The following IGF2R variants were observed in gnomAD, a reference collection of about 807,000 sequenced individuals.
The protein encoded by IGF2R is cation-independent mannose-6-phosphate receptor.
Under a neutral mutation model 270.6 loss-of-function variants are expected in IGF2R, and 91 were observed. That is an observed-to-expected ratio of 0.34 (90% CI 0.28 to 0.40). The LOEUF (loss-of-function observed/expected upper bound fraction) is 0.40. Ranked by LOEUF, IGF2R falls within the 10% of genes least tolerant of loss-of-function variation. The probability of loss-of-function intolerance (pLI) is 1.00; values close to 1 mark genes in which losing one functional copy is unlikely to be tolerated. For missense variants in IGF2R, 2,805 were observed against 3,188.3 expected (o/e 0.88, Z 2.90); for synonymous variants, 1,316 against 1,258.9 (o/e 1.05, Z -0.96).
At chr6:160,036,287 C>G (rs1265856782) in intron 10 of IGF2R, among the ~76,000 whole-genome samples, 2 of 152,070 alleles carry the variant, frequency 1.3e-5, no homozygotes, top group African/African-American at 4.8e-5. Flanking sequence ...CCCTCACCTC[C>G]TAGCCTACCT....
In IGF2R at chr6:160,106,012, C is replaced by CA. The variant is rs920004735; in HGVS notation, c.*929dup. 2 of 152,302 alleles carry CA rather than the reference C, an allele frequency of 1.3e-5. No individual in the cohort carries two copies. Among genetic ancestry groups the CA allele is most frequent in the Admixed American group, 6.5e-5 (1 of 15,270 alleles). 9.4% of individuals were successfully genotyped at this position (152,302 alleles called of 1,614,324 possible). On this transcript the variant is annotated 3_prime_UTR_variant, in exon 48 of 48. Transcript: ENST00000356956. ...TATAGGTCTCATCTCTTCAGGTTCT[C>CA]ATGATACCACCTTTACTGTGCTTAT...
At position 159,969,088 on chromosome 6, in the gene IGF2R, G is replaced by GCCGC; in HGVS notation, c.-159_-158insCCGC. ...CGGTTCCGGGGCCGCCGCTGCCGCT[G>GCCGC]TCGCTGTCGCCGAGCCCAGTCGAGC... On this transcript the variant is annotated 5_prime_UTR_variant, in exon 1 of 48. Coordinates refer to ENST00000356956, the MANE Select transcript of IGF2R (RefSeq NM_000876.4). 1 of 256,654 alleles carries GCCGC rather than the reference G, an allele frequency of 3.9e-6. No individual in the cohort carries two copies. Among genetic ancestry groups the GCCGC allele is most frequent in the African/African-American group, 2.3e-5 (1 of 43,054 alleles). 15.9% of individuals were successfully genotyped at this position (256,654 alleles called of 1,614,324 possible).
Position 160,045,758 on chromosome 6 carries a change from TGC to T in IGF2R, c.1780_1781del (p.Ala594ThrfsTer14). On this transcript the variant is annotated frameshift_variant, in exon 14 of 48. Transcript: ENST00000356956. LOFTEE classifies it high-confidence loss of function. Reference sequence around the variant, plus strand: ...CCCCATTGACAGGTGATCTGGAAAGTGCACCAGTGTTGAGAACTTCTGGGGAA... The same window carrying T: ...CCCCATTGACAGGTGATCTGGAAAGTACCAGTGTTGAGAACTTCTGGGGAA... ...LVCKPGDLES[A>X]PVLRTSGEGG... is the part of the protein sequence containing the mutation. The T allele has an allele frequency of 6.2e-7, 1 of 1,614,186 alleles. No individual in the cohort carries two copies. The highest frequency in any genetic ancestry group is 8.5e-7 in the Non-Finnish European group (1 of 1,180,018).
At chr6:160,012,854 T>A (rs969122583) in intron 4 of IGF2R, among the ~76,000 whole-genome samples, 4 of 151,422 alleles carry the variant, frequency 2.6e-5, no homozygotes, top group Non-Finnish European at 4.4e-5. Flanking sequence ...CTTGAACTCC[T>A]GACCTCAGGT....
rs373212360 is a variant in IGF2R at position 160,048,504 on chromosome 6, A to T, written c.2475A>T (p.Arg825=). ...RPLNPVPGCN[R]YASACQMKYE... is the part of the protein sequence containing the mutation. Reference sequence around the variant, plus strand: ...TGAATCCAGTGCCGGGCTGCAACCGATATGCATCGGCTTGCCAGATGAAGT... The same window carrying T: ...TGAATCCAGTGCCGGGCTGCAACCGTTATGCATCGGCTTGCCAGATGAAGT... Residue 825 remains arginine (R), a synonymous_variant, in exon 18 of 48, where the codon CGA becomes CGT. Transcript: ENST00000356956. 15 of 1,614,144 alleles carry T rather than the reference A, an allele frequency of 9.3e-6. No individual in the cohort carries two copies. In the South Asian group the frequency reaches 1.5e-4, roughly 17 times the overall value.
Position 160,084,971 on chromosome 6 carries a change from C to T in IGF2R, c.6069-24C>T, listed in dbSNP as rs1562373386. On this transcript the variant is annotated intron_variant, in intron 40 of 47. Coordinates refer to ENST00000356956, the MANE Select transcript of IGF2R (RefSeq NM_000876.4). The surrounding 1 kb of genome is among the most constrained non-coding windows in gnomAD (Gnocchi z 4.6). The stretch of plus-strand genomic sequence containing the variant: ...GAGACGTCACTTGCATGCCTTTTAC[C>T]TGCCCCTTTGTGTCGTTTTCTAGGT... The T allele has an allele frequency of 2.5e-6, 4 of 1,603,114 alleles. No individual in the cohort carries two copies. The South Asian group carries it at 4.4e-5, about 18-fold the overall frequency.
chr6:160,065,812 G>GTGTGTGTGTATATATATATATATA, intron 29 of IGF2R, among the ~76,000 whole-genome samples: 1 of 69,368 alleles, frequency 1.4e-5, no homozygotes, highest in Non-Finnish European at 2.7e-5. Context: ...GTGTGTGTGT[G>GTGTGTGTGTATATATATATATATA]TGTATATATA....
chr6:160,081,112 T>A (rs1350048174), intron 39 of IGF2R, among the ~76,000 whole-genome samples: 1 of 144,900 alleles, frequency 6.9e-6, no homozygotes, highest in East Asian at 2.1e-4. Context: ...GGTGACAGAG[T>A]GAGACTCGGT....
At position 160,072,901 on chromosome 6, in the gene IGF2R, C is replaced by CT. The variant is rs778511257; in HGVS notation, c.4690+18dup. ...CTGGCGTGGGTGAGTGCTGTGGTCT[C>CT]TCGTGTGTTGTCTGACTCTCCCGTC... On this transcript the variant is annotated intron_variant, in intron 33 of 47. Transcript: ENST00000356956. 1.2e-6 allele frequency: 2 copies of CT among 1,602,650 alleles called. No homozygotes were observed. Among genetic ancestry groups the CT allele is most frequent in the Non-Finnish European group, 1.7e-6 (2 of 1,174,324 alleles).
At chr6:160,096,913 C>G (rs1270227222) in intron 45 of IGF2R, among the ~76,000 whole-genome samples, 1 of 152,184 alleles carries the variant, frequency 6.6e-6, no homozygotes, top group Non-Finnish European at 1.5e-5. Context: ...CCAGTCAGGG[C>G]ACCCCAGCTC....
rs577282737 is a variant in IGF2R at position 160,111,015 on chromosome 6, A to T, written c.*5931A>T. The T allele has an allele frequency of 5.9e-5, 9 of 152,306 alleles. No homozygotes were observed. The highest frequency in any genetic ancestry group is 2.2e-4 in the African/African-American group (9 of 41,570). The allele number at this position is 152,306 out of a possible 1,614,324, so 9.4% of individuals were successfully genotyped here. ...TCCACTGTGCAGCATGGTGACTATG[A>T]TACTGCTTTGTGTATTTAAAATTTT... On this transcript the variant is annotated 3_prime_UTR_variant, in exon 48 of 48. Transcript: ENST00000356956.
chr6:160,073,636 C>T (rs1309137220), intron 34 of IGF2R, 121 bp from the exon 35 acceptor site: 1 of 1,072,068 alleles, frequency 9.3e-7, no homozygotes, highest in South Asian at 1.6e-5. Flanking sequence ...TGTAATGAAG[C>T]ATTTTGACAC....
chr6:160,093,631 G>A, intron 44 of IGF2R: 1 of 726,962 alleles, frequency 1.4e-6, no homozygotes, highest in South Asian at 1.4e-5. Context: ...CAGAGGGAGA[G>A]GACCAGGTAA....
Position 160,073,225 on chromosome 6 carries a change from G to A in IGF2R, c.4703G>A (p.Gly1568Glu). The A allele has an allele frequency of 6.2e-7, 1 of 1,614,234 alleles. No homozygotes were observed. The highest frequency in any genetic ancestry group is 8.5e-7 in the Non-Finnish European group (1 of 1,180,036). Reference sequence around the variant, plus strand: ...CCTTGTGGTGCAGGGGCCTGCTTTGGACAGACCAGGATTAGCGTGGGCAAG... The same window carrying A: ...CCTTGTGGTGCAGGGGCCTGCTTTGAACAGACCAGGATTAGCGTGGGCAAG... ...NCPPGVGACF[G>E]QTRISVGKAN... Residue 1568 changes from glycine to glutamate, a missense_variant, in exon 34 of 48, where the codon GGA becomes GAA. Gly to Glu is a moderately conservative substitution (Grantham distance 98). Around this residue, in one of 2 missense-constraint regions of IGF2R, gnomAD observed 1,851 missense variants for 2,207.2 expected, o/e 0.84. Transcript: ENST00000356956.
chr6:160,050,639 C>G lies in IGF2R; in HGVS notation c.2681C>G (p.Ser894Cys). The G allele has an allele frequency of 1.2e-6, 2 of 1,604,592 alleles. No individual in the cohort carries two copies. Among genetic ancestry groups the G allele is most frequent in the Non-Finnish European group, 1.7e-6 (2 of 1,172,582 alleles). Residue 894 changes from serine (S) to cysteine (C), a missense_variant, in exon 19 of 48, where the codon TCC (serine) becomes TGC (cysteine). Ser to Cys is a moderately radical substitution (Grantham distance 112, BLOSUM62 -1). Coordinates refer to ENST00000356956, the MANE Select transcript of IGF2R (RefSeq NM_000876.4). This position sits in a 1 kb window ranked among gnomAD's most constrained non-coding sequence, Gnocchi z 4.0. ...ACCACGAGGATCCATCTCGTCTGCTCCAGGGGCAGGCTGGTAAGGCACTGC... is the reference window on the plus strand; with the variant it reads ...ACCACGAGGATCCATCTCGTCTGCTGCAGGGGCAGGCTGGTAAGGCACTGC... ...TYTTRIHLVC[S>C]RGRLNSHPIF...
At position 160,079,768 on chromosome 6, in the gene IGF2R, T is replaced by C. The variant is rs1320359709; in HGVS notation, c.5667T>C (p.Asn1889=). The C allele has an allele frequency of 4.1e-6, 6 of 1,455,522 alleles. No individual in the cohort carries two copies. The highest frequency in any genetic ancestry group is 5.5e-6 in the Non-Finnish European group (6 of 1,099,890). The allele number at this position is 1,455,522 out of a possible 1,614,324, so 90.2% of individuals were successfully genotyped here. The change falls in exon 38 of 48, where the codon AAT becomes AAC. Residue 1889 remains asparagine (N), a synonymous_variant. Coordinates refer to ENST00000356956, the MANE Select transcript of IGF2R (RefSeq NM_000876.4). ...AAGCGGTCGTTTTAAGTTACGTGAA[T>C]GGTGATCGTTGCCCTCCAGGTAAAT... ...QDEAVVLSYV[N]GDRCPPETDD...
chr6:160,100,553 A>C (rs1040169965), intron 45 of IGF2R, among the ~76,000 whole-genome samples: 1 of 152,084 alleles, frequency 6.6e-6, no homozygotes, highest in Non-Finnish European at 1.5e-5. Context: ...GTAGACAAAG[A>C]GTAAAGCTTT....
At chr6:160,075,789 A>G in intron 35 of IGF2R, 58 bp from the exon 36 acceptor site, 1 of 1,572,656 alleles carries the variant, frequency 6.4e-7, no homozygotes, top group Non-Finnish European at 8.7e-7. Flanking sequence ...TCTTAATTCC[A>G]CTAACCTTGG....
intron 10 of IGF2R, among the ~76,000 whole-genome samples, chr6:160,036,276 G>A (rs1267832556): frequency 2.0e-5 from 3 of 151,960 alleles, no homozygotes; most frequent in Non-Finnish European, 2.9e-5. Context: ...TTCTCTCATC[G>A]CCCTCACCTC....
Sources: allele counts gnomAD v4.1 joint callset (sites outside exome capture counted in the v4.1 genomes callset), GRCh38; gene constraint gnomAD v4.1.1; regional missense constraint gnomAD v4.1.1; non-coding constraint Gnocchi (gnomAD v3.1); transcripts MANE v1.5; gene names NCBI Gene and HGNC (gene_info 2026-07-23, HGNC 2026-07-21).